The following RNF212B variants were observed in gnomAD, a reference collection of about 807,000 sequenced individuals.
RNF212B encodes the protein E3 ubiquitin-protein ligase RNF212B.
A neutral mutation model predicts 55.5 loss-of-function variants in RNF212B; 52 were observed. The observed-to-expected ratio is 0.94, with a 90% CI of 0.75 to 1.18. RNF212B has a LOEUF of 1.18. Ranked by LOEUF, RNF212B falls within the 50% of genes most tolerant of loss-of-function variation. The pLI is 0.00. For missense variants in RNF212B, 289 were observed against 350.4 expected (o/e 0.82, Z 1.40); for synonymous variants, 99 against 121.4 (o/e 0.82, Z 1.21).
chr14:23,234,980 G>A (rs909650626), upstream of RNF212B, among the ~76,000 whole-genome samples: 6 of 152,148 alleles, frequency 3.9e-5, no homozygotes, highest in Admixed American at 2.6e-4. Flanking sequence ...TTGGGAGGCC[G>A]AGGCAGGTGG....
chr14:23,264,822 T>G (rs1885561950), intron 11 of RNF212B, among the ~76,000 whole-genome samples, 151 bp downstream of exon 11: 1 of 151,678 alleles, frequency 6.6e-6, no homozygotes, highest in South Asian at 2.1e-4. Flanking sequence ...TACAAGGTTT[T>G]TTTTTTTTTT....
At chr14:23,253,464 C>G (rs1382240998) in intron 4 of RNF212B, among the ~76,000 whole-genome samples, 1 of 151,900 alleles carries the variant, frequency 6.6e-6, no homozygotes, top group Non-Finnish European at 1.5e-5. Flanking sequence ...TCATATGTTC[C>G]TCTGTCCTCT....
chr14:23,257,128 G>A (rs1884895187), intron 4 of RNF212B, among the ~76,000 whole-genome samples: 1 of 151,986 alleles, frequency 6.6e-6, no homozygotes, highest in African/African-American at 2.4e-5. Context: ...ACTCCAGCCT[G>A]GGCGACAGAG....
chr14:23,243,167 G>T, intron 2 of RNF212B, 89 bp from the exon 3 acceptor site: 11 of 853,198 alleles, frequency 1.3e-5, no homozygotes, highest in South Asian at 4.9e-5. Context: ...TCCTTTGCTA[G>T]CATACTAGAT....
chr14:23,232,404 C>G (rs1275881870), intron 2 of RNF212B, among the ~76,000 whole-genome samples: 1 of 149,172 alleles, frequency 6.7e-6, no homozygotes, highest in African/African-American at 2.5e-5. Context: ...CCCCTCCGCC[C>G]GGCAGCCGCC....
At chr14:23,233,746 A>C (rs1487827433), upstream of RNF212B, among the ~76,000 whole-genome samples, 992 of 149,076 alleles carry the variant, frequency 6.7e-3, 3 homozygotes, top group African/African-American at 0.023. Flanking sequence ...TGTCTCAAAA[A>C]AAAAAAAAAA....
At position 23,253,532 on chromosome 14, in the gene RNF212B, G is replaced by A. The variant is rs760252814; in HGVS notation, c.229-5017G>A. ...TTATCACCATCATTGGTTTGGGGGCGGGGAAAGGTGAGGCAAGACCACTTT... is the reference window on the plus strand; with the variant it reads ...TTATCACCATCATTGGTTTGGGGGCAGGGAAAGGTGAGGCAAGACCACTTT... On this transcript the variant is annotated intron_variant, in intron 4 of 14. Transcript: ENST00000430154. Among the ~76,000 whole-genome samples, 13 of 152,126 alleles carry A rather than the reference G, an allele frequency of 8.5e-5. 1 individual carries two copies. Among genetic ancestry groups the A allele is most frequent in the Middle Eastern group, 6.8e-3 (2 of 294 alleles).
intron 2 of RNF212B, among the ~76,000 whole-genome samples, chr14:23,217,285 G>A (rs1323133365): frequency 6.6e-6 from 1 of 151,626 alleles, no homozygotes; most frequent in African/African-American, 2.4e-5. Context: ...CTGTGGAAAG[G>A]GGAGGGAAGA....
intron 14 of RNF212B, among the ~76,000 whole-genome samples, chr14:23,272,145 T>C (rs1490706713): frequency 2.0e-5 from 3 of 152,038 alleles, no homozygotes; most frequent in African/African-American, 7.2e-5. Flanking sequence ...GGGCCAGGCG[T>C]GGTGGCTCAT....
chr14:23,248,735 C>T lies in RNF212B; in HGVS notation c.228+4339C>T, dbSNP rs116324557. Among the ~76,000 whole-genome samples, 993 of 152,100 alleles carry T rather than the reference C, an allele frequency of 6.5e-3. 12 individuals carry two copies. The highest frequency in any genetic ancestry group is 0.022 in the African/African-American group (929 of 41,486). ...GATTATGGGCATGAGCCATCACGCC[C>T]GGCCCCCAAGCCTCTTTTTATAAGG... is the stretch of plus-strand genomic sequence containing the variant. On this transcript the variant is annotated intron_variant, in intron 4 of 14. Coordinates refer to ENST00000430154, the MANE Select transcript of RNF212B (RefSeq NM_001282322.3).
chr14:23,189,763 A>G (rs1187554060), intron 1 of RNF212B, among the ~76,000 whole-genome samples: 1 of 152,164 alleles, frequency 6.6e-6, no homozygotes, highest in Non-Finnish European at 1.5e-5. Flanking sequence ...AGCCATGTTC[A>G]TGCCACTGCA....
At chr14:23,249,502 A>C (rs754951252) in intron 4 of RNF212B, among the ~76,000 whole-genome samples, 6 of 152,194 alleles carry the variant, frequency 3.9e-5, no homozygotes, top group Non-Finnish European at 7.3e-5. Context: ...CCATGATTGC[A>C]CCACCATACT....
At chr14:23,242,036 C>T (rs178773) in intron 2 of RNF212B, among the ~76,000 whole-genome samples, 12,831 of 132,342 alleles carry the variant, frequency 0.097, 1,249 homozygotes, top group African/African-American at 0.26. Context: ...GAGCCAAGAT[C>T]GTGCCACTGC....
chr14:23,226,381 A>G (rs1434791038), intron 2 of RNF212B, among the ~76,000 whole-genome samples: 2 of 151,980 alleles, frequency 1.3e-5, no homozygotes, highest in Non-Finnish European at 2.9e-5. Flanking sequence ...CTGTAATCCC[A>G]GCACTTTAGG....
chr14:23,249,061 C>A (rs74036961), intron 4 of RNF212B, among the ~76,000 whole-genome samples: 12,222 of 152,258 alleles, frequency 0.08, 649 homozygotes, highest in African/African-American at 0.15. Context: ...TTTACAAAAA[C>A]AGACAGCTGG....
chr14:23,250,255 G>A (rs1386649785), intron 4 of RNF212B, among the ~76,000 whole-genome samples: 2 of 152,074 alleles, frequency 1.3e-5, no homozygotes, highest in East Asian at 3.9e-4. Flanking sequence ...TGAGGGGGTG[G>A]ATCACTTGAG....
At chr14:23,233,586 A>G (rs1340838532), upstream of RNF212B, among the ~76,000 whole-genome samples, 41 of 120,186 alleles carry the variant, frequency 3.4e-4, 1 homozygote, top group East Asian at 7.9e-3. Flanking sequence ...AAAAAAAAAT[A>G]GAAAAATTAG....
chr14:23,260,585 CAAGT>C (rs1386098713), intron 6 of RNF212B, 70 bp from the exon 7 acceptor site: 1 of 1,406,858 alleles, frequency 7.1e-7, no homozygotes, highest in African/African-American at 1.4e-5. Context: ...AGTTATCTCG[CAAGT>C]AAGACTGAAG....
intron 1 of RNF212B, among the ~76,000 whole-genome samples, chr14:23,190,382 C>T (rs1022960143): frequency 1.4e-4 from 22 of 152,284 alleles, no homozygotes; most frequent in Middle Eastern, 3.4e-3. Flanking sequence ...GCGTGCTTTC[C>T]GCTCCAAACC....
Sources: gnomAD v4.1 joint callset for allele counts (sites outside exome capture counted in the v4.1 genomes callset) on GRCh38, gnomAD v4.1.1 for gene constraint, MANE v1.5 for transcripts, NCBI Gene and HGNC (gene_info 2026-07-23, HGNC 2026-07-21) for gene names.